Variants in SNTG1 observed in about 807,000 individuals in gnomAD.
The protein encoded by SNTG1 is syntrophin gamma 1, also known as gamma-1-syntrophin.
SNTG1 carries 39 observed loss-of-function variants against 74.7 expected under a neutral mutation model. The observed-to-expected ratio is 0.52, with a 90% CI of 0.40 to 0.68. The LOEUF is 0.68. SNTG1 is among the 30% of genes least tolerant of loss of function. The pLI, the probability that SNTG1 is intolerant of heterozygous loss-of-function variation, is 0.00. For missense variants in SNTG1, 685 were observed against 609.5 expected (o/e 1.12, Z -1.30); for synonymous variants, 254 against 217.1 (o/e 1.17, Z -1.49).
chr8:50,363,760 A>T (rs986807248), intron 2 of SNTG1, among the ~76,000 whole-genome samples: 1 of 152,178 alleles, frequency 6.6e-6, no homozygotes. Flanking sequence ...AGGTCTAAAT[A>T]AACTCAACTG....
intron 2 of SNTG1, among the ~76,000 whole-genome samples, chr8:50,388,986 T>C (rs1431093545): frequency 6.6e-6 from 1 of 152,094 alleles, no homozygotes; most frequent in Non-Finnish European, 1.5e-5. Context: ...GAATCTTGCA[T>C]TCTGTGGGTC....
At chr8:50,009,861 C>T (rs1375442913) in intron 1 of SNTG1, among the ~76,000 whole-genome samples, 1 of 151,888 alleles carries the variant, frequency 6.6e-6, no homozygotes, top group African/African-American at 2.4e-5. Context: ...TCTCTGGGCA[C>T]GGTGATGCAT....
chr8:50,457,804 C>T (rs937607899), intron 8 of SNTG1: 3 of 152,116 alleles, frequency 2.0e-5, no homozygotes, highest in Admixed American at 6.6e-5. Flanking sequence ...AACAGGCAAT[C>T]GAATTAGAGT....
At chr8:50,214,318 T>C (rs1340106169) in intron 2 of SNTG1, among the ~76,000 whole-genome samples, 1 of 148,848 alleles carries the variant, frequency 6.7e-6, no homozygotes, top group African/African-American at 2.5e-5. Context: ...AAATGACGAG[T>C]TAATGGGTGC....
intron 12 of SNTG1, among the ~76,000 whole-genome samples, chr8:50,577,659 G>C (rs1274760753): frequency 1.8e-4 from 27 of 152,102 alleles, no homozygotes; most frequent in Admixed American, 1.2e-3. Context: ...ATGGAACACT[G>C]TGTTATATGT....
intron 15 of SNTG1, among the ~76,000 whole-genome samples, 175 bp downstream of exon 15, chr8:50,658,838 C>G (rs115819196): frequency 0.022 from 3,366 of 152,228 alleles, 46 homozygotes; most frequent in Middle Eastern, 0.041. Context: ...ATAGAATGCA[C>G]AGAAGTGCAC....
intron 2 of SNTG1, among the ~76,000 whole-genome samples, chr8:50,356,084 GC>G (rs1405704401): frequency 6.6e-6 from 1 of 151,416 alleles, no homozygotes; most frequent in Non-Finnish European, 1.5e-5. Context: ...TTTGGGGATG[GC>G]CCTTGCAATT....
Position 50,394,279 on chromosome 8 carries a change from T to A in SNTG1, c.27+14T>A. 6.2e-7 allele frequency: 1 copy of A among 1,608,398 alleles called. No individual in the cohort carries two copies. The highest frequency in any genetic ancestry group is 8.5e-7 in the Non-Finnish European group (1 of 1,176,914). On this transcript the variant is annotated intron_variant, in intron 3 of 18. Transcript: ENST00000642720. ...GCCTGTGAGGAGGTGAGTACAGAGC[T>A]TTCTGCTTTTCAAACAGGGAAAACA...
intron 8 of SNTG1, among the ~76,000 whole-genome samples, chr8:50,501,601 A>AT (rs560933146): frequency 0.063 from 7,888 of 125,788 alleles, 332 homozygotes; most frequent in South Asian, 0.19. Context: ...AAGACCGGTT[A>AT]TTTTTTTTTA....
chr8:50,484,321 G>A (rs200207587), intron 8 of SNTG1, among the ~76,000 whole-genome samples: 1 of 150,770 alleles, frequency 6.6e-6, no homozygotes, highest in Non-Finnish European at 1.5e-5. Flanking sequence ...GTTCAAGCAA[G>A]TCTCCTGCCT....
In SNTG1 at chr8:50,656,892, A is replaced by G. The variant is rs1265295920; in HGVS notation, c.850-17A>G. ...ATAAGAAGTTTTGACAGTTGATTGTATTCCATTTTCTTGCAGATTGTCTAC... is the reference window on the plus strand; with the variant it reads ...ATAAGAAGTTTTGACAGTTGATTGTGTTCCATTTTCTTGCAGATTGTCTAC... On this transcript the variant is annotated splice_polypyrimidine_tract_variant and intron_variant, in intron 13 of 18. Transcript: ENST00000642720. 3 of 1,539,550 alleles carry G rather than the reference A, an allele frequency of 1.9e-6. No individual in the cohort carries two copies. The highest frequency in any genetic ancestry group is 2.7e-5 in the African/African-American group (2 of 73,018).
intron 13 of SNTG1, among the ~76,000 whole-genome samples, chr8:50,595,467 G>A (rs1478735623): frequency 6.6e-6 from 1 of 151,958 alleles, no homozygotes. Flanking sequence ...AAAAATTTAT[G>A]TATTACAGTT....
intron 8 of SNTG1, among the ~76,000 whole-genome samples, chr8:50,489,635 TG>T (rs2093832361): frequency 1.3e-5 from 2 of 152,370 alleles, no homozygotes; most frequent in Admixed American, 1.3e-4. Flanking sequence ...TGTTTTTTCT[TG>T]TAAATTTGTT....
intron 18 of SNTG1, among the ~76,000 whole-genome samples, chr8:50,777,957 G>GT (rs1249578272): frequency 6.6e-6 from 1 of 151,794 alleles, no homozygotes; most frequent in Non-Finnish European, 1.5e-5. Flanking sequence ...GCGGTGTTTG[G>GT]TTTTTTGTTC....
chr8:50,730,795 T>C (rs2095511114), intron 17 of SNTG1, among the ~76,000 whole-genome samples: 1 of 152,180 alleles, frequency 6.6e-6, no homozygotes, highest in African/African-American at 2.4e-5. Flanking sequence ...CCCAGAAGCA[T>C]CACCATTAGT....
chr8:50,089,195 C>A (rs1031334634), intron 1 of SNTG1, among the ~76,000 whole-genome samples: 1 of 152,032 alleles, frequency 6.6e-6, no homozygotes, highest in African/African-American at 2.4e-5. Flanking sequence ...GGAAAACTGG[C>A]TAGCCATATG....
chr8:50,235,687 A>G (rs1197808662), intron 2 of SNTG1, among the ~76,000 whole-genome samples: 2 of 152,132 alleles, frequency 1.3e-5, no homozygotes, highest in East Asian at 3.9e-4. Context: ...GAAAAAGCTC[A>G]TTAGATAAGA....
intron 11 of SNTG1, among the ~76,000 whole-genome samples, chr8:50,543,337 C>T (rs2094362050): frequency 6.6e-6 from 1 of 152,104 alleles, no homozygotes; most frequent in African/African-American, 2.4e-5. Flanking sequence ...AAGAGACTGC[C>T]CTTTCTCCAA....
Position 50,398,062 on chromosome 8 carries a change from C to T in SNTG1, c.27+3797C>T, listed in dbSNP as rs11990082. 9.2e-3 allele frequency among the ~76,000 whole-genome samples: 1,396 copies of T among 152,290 alleles called. 26 individuals are homozygous for T. The highest frequency in any genetic ancestry group is 0.032 in the African/African-American group (1,324 of 41,558). ...GACAGTGCCCTGAAATGGAGTTTATCCTTCTTCTTGCATCTCTCAGAGGAG... is the reference window on the plus strand; with the variant it reads ...GACAGTGCCCTGAAATGGAGTTTATTCTTCTTCTTGCATCTCTCAGAGGAG... On this transcript the variant is annotated intron_variant, in intron 3 of 18. Coordinates refer to ENST00000642720, the MANE Select transcript of SNTG1 (RefSeq NM_018967.5).
Sources: gnomAD v4.1 joint callset for allele counts (sites outside exome capture counted in the v4.1 genomes callset) on GRCh38, gnomAD v4.1.1 for gene constraint, MANE v1.5 for transcripts, NCBI Gene and HGNC (gene_info 2026-07-23, HGNC 2026-07-21) for gene names.